Variants in IMMP2L observed in about 807,000 individuals in gnomAD.
The protein encoded by IMMP2L is mitochondrial inner membrane protease subunit 2.
A neutral mutation model predicts 19.3 loss-of-function variants in IMMP2L; 18 were observed. That is an observed-to-expected ratio of 0.93 (90% CI 0.64 to 1.38). IMMP2L has a LOEUF of 1.38. Ranked by LOEUF, IMMP2L falls within the 40% of genes most tolerant of loss-of-function variation. The pLI is 0.00. For missense variants in IMMP2L, 233 were observed against 218.2 expected (o/e 1.07, Z -0.43); for synonymous variants, 76 against 73.0 (o/e 1.04, Z -0.21).
chr7:111,060,169 TG>T (rs1793891917), intron 3 of IMMP2L, among the ~76,000 whole-genome samples: 1 of 152,218 alleles, frequency 6.6e-6, no homozygotes, highest in African/African-American at 2.4e-5. Flanking sequence ...GCTATCAAGA[TG>T]GGTATGACCT....
At chr7:111,374,909 T>C (rs868801914) in intron 3 of IMMP2L, among the ~76,000 whole-genome samples, 7 of 152,248 alleles carry the variant, frequency 4.6e-5, no homozygotes, top group Middle Eastern at 3.4e-3. Context: ...TAGACTTTTG[T>C]TTTCAGAGAC....
chr7:111,290,007 T>C (rs1820916480), intron 3 of IMMP2L, among the ~76,000 whole-genome samples: 1 of 152,124 alleles, frequency 6.6e-6, no homozygotes, highest in Non-Finnish European at 1.5e-5. Flanking sequence ...GAATTGAGTC[T>C]CACTCTATTC....
intron 3 of IMMP2L, among the ~76,000 whole-genome samples, chr7:111,250,081 C>T (rs946385654): frequency 6.6e-6 from 1 of 152,064 alleles, no homozygotes; most frequent in African/African-American, 2.4e-5. Flanking sequence ...AATCAATGTG[C>T]AAAAATCGCT....
intron 3 of IMMP2L, among the ~76,000 whole-genome samples, chr7:111,455,288 A>T (rs372721641): frequency 9.3e-5 from 14 of 151,328 alleles, no homozygotes; most frequent in African/African-American, 2.9e-4. Flanking sequence ...TCTCCTTTGA[A>T]TTATTTGTAA....
At chr7:111,044,968 A>T (rs184204963) in intron 3 of IMMP2L, among the ~76,000 whole-genome samples, 79 of 152,342 alleles carry the variant, frequency 5.2e-4, no homozygotes, top group Admixed American at 3.3e-3. Flanking sequence ...TAATGAAAAA[A>T]TAACTTTAAA....
intron 5 of IMMP2L, among the ~76,000 whole-genome samples, chr7:110,739,929 A>G (rs1796888008): frequency 6.6e-6 from 1 of 152,194 alleles, no homozygotes; most frequent in Non-Finnish European, 1.5e-5. Flanking sequence ...TCATGCAAAC[A>G]CAAAGAAATT....
At chr7:110,692,219 T>C (rs1793557084) in intron 5 of IMMP2L, among the ~76,000 whole-genome samples, 1 of 152,092 alleles carries the variant, frequency 6.6e-6, no homozygotes, top group African/African-American at 2.4e-5. Flanking sequence ...TTATGTGAAG[T>C]GAAGTAACTC....
At chr7:110,774,016 C>A in intron 5 of IMMP2L, among the ~76,000 whole-genome samples, 1 of 151,588 alleles carries the variant, frequency 6.6e-6, no homozygotes, top group Admixed American at 6.6e-5. Flanking sequence ...TCTTTTTGTC[C>A]TTGATAACTG....
At chr7:111,388,933 T>A (rs1023001741) in intron 3 of IMMP2L, among the ~76,000 whole-genome samples, 1 of 152,022 alleles carries the variant, frequency 6.6e-6, no homozygotes, top group African/African-American at 2.4e-5. Context: ...AATGTGCAAA[T>A]CTGTATTTCC....
At chr7:110,825,166 A>T (rs1195917529) in intron 5 of IMMP2L, among the ~76,000 whole-genome samples, 13 of 152,174 alleles carry the variant, frequency 8.5e-5, no homozygotes, top group Admixed American at 7.9e-4. Flanking sequence ...ACTAAAAACC[A>T]CTGCTTAGCG....
At chr7:111,349,958 A>G (rs1183665850) in intron 3 of IMMP2L, among the ~76,000 whole-genome samples, 7 of 151,414 alleles carry the variant, frequency 4.6e-5, no homozygotes, top group Non-Finnish European at 8.8e-5. Context: ...ATTTATCAAA[A>G]CAAAGATGGT....
intron 3 of IMMP2L, among the ~76,000 whole-genome samples, chr7:111,193,411 G>T (rs911280155): frequency 1.2e-4 from 18 of 152,036 alleles, no homozygotes; most frequent in Admixed American, 2.0e-4. Flanking sequence ...TAAAATTGAG[G>T]TGATTTTTGT....
intron 2 of IMMP2L, among the ~76,000 whole-genome samples, chr7:111,499,935 T>C (rs984342089): frequency 6.6e-6 from 1 of 152,046 alleles, no homozygotes; most frequent in African/African-American, 2.4e-5. Flanking sequence ...TTCATCTCAC[T>C]AGGGAGTGCC....
intron 3 of IMMP2L, among the ~76,000 whole-genome samples, chr7:111,349,843 C>A (rs951064922): frequency 6.6e-6 from 1 of 152,102 alleles, no homozygotes; most frequent in East Asian, 1.9e-4. Context: ...GAGCCCTCTC[C>A]CTGTTCTAGT....
At chr7:110,992,476 G>A (rs868810606) in intron 3 of IMMP2L, among the ~76,000 whole-genome samples, 14 of 151,630 alleles carry the variant, frequency 9.2e-5, no homozygotes, top group African/African-American at 1.9e-4. Context: ...TAATGCTATC[G>A]GTCCTTAAAA....
chr7:111,195,870 T>C (rs1483955355), intron 3 of IMMP2L, among the ~76,000 whole-genome samples: 1 of 26,628 alleles, frequency 3.8e-5, no homozygotes, highest in African/African-American at 1.5e-4. Context: ...TTTTGCTCTA[T>C]CATTTCATTT....
intron 3 of IMMP2L, among the ~76,000 whole-genome samples, chr7:111,187,201 G>T (rs1016258528): frequency 6.6e-6 from 1 of 152,114 alleles, no homozygotes; most frequent in Non-Finnish European, 1.5e-5. Flanking sequence ...TAGTCTGTGG[G>T]CAGCAAGAAA....
intron 3 of IMMP2L, among the ~76,000 whole-genome samples, chr7:111,018,827 TTATTA>T (rs1214552002): frequency 2.9e-5 from 4 of 137,782 alleles, no homozygotes; most frequent in African/African-American, 1.1e-4. Context: ...ATTATTATTA[TTATTA>T]TTATTACAAG....
intron 5 of IMMP2L, among the ~76,000 whole-genome samples, chr7:110,862,857 C>T (rs1487275908): frequency 1.3e-5 from 2 of 151,888 alleles, no homozygotes. Context: ...AGTTTGAGTA[C>T]AGCCTTAGAA....
Sources: allele counts gnomAD v4.1 joint callset (sites outside exome capture counted in the v4.1 genomes callset), GRCh38; gene constraint gnomAD v4.1.1; transcripts MANE v1.5; gene names NCBI Gene and HGNC (gene_info 2026-07-23, HGNC 2026-07-21).